Variants in CHD2 observed in about 807,000 individuals in gnomAD.
CHD2 encodes ATP-dependent chromatin remodeler CHD2.
CHD2 carries 28 observed loss-of-function variants against 243.9 expected under a neutral mutation model. The ratio of observed to expected loss-of-function variants is 0.11; its 90% CI spans 0.09 to 0.16. The LOEUF is 0.16. CHD2 is among the 10% of genes least tolerant of loss of function. The pLI, the probability that CHD2 is intolerant of heterozygous loss-of-function variation, is 1.00. For synonymous variants in CHD2, 775 were observed against 779.0 expected (o/e 0.99, Z 0.09); for missense variants, 1,386 against 2,209.8 (o/e 0.63, Z 7.47).
chr15:92,989,685 T>C (rs988237940), intron 26 of CHD2, among the ~76,000 whole-genome samples: 1 of 152,212 alleles, frequency 6.6e-6, no homozygotes, highest in African/African-American at 2.4e-5. Context: ...TGGAAGGCAA[T>C]TGACAACTCT....
intron 22 of CHD2, 133 bp from the exon 23 acceptor site, chr15:92,980,682 G>A (rs963645452): frequency 1.5e-4 from 93 of 637,806 alleles, no homozygotes; most frequent in Admixed American, 4.4e-4. Flanking sequence ...CGATGTTTGA[G>A]AAATCATTTT....
At chr15:92,941,607 C>G (rs1327342641) in intron 7 of CHD2, among the ~76,000 whole-genome samples, 1 of 151,852 alleles carries the variant, frequency 6.6e-6, no homozygotes, top group Non-Finnish European at 1.5e-5. Context: ...TTTTTATTTT[C>G]AAATTGAGTT....
At chr15:93,024,046 G>C (rs2054564521) in intron 38 of CHD2, among the ~76,000 whole-genome samples, 1 of 152,014 alleles carries the variant, frequency 6.6e-6, no homozygotes, top group South Asian at 2.1e-4. Context: ...AATAATTTCT[G>C]TGGCTCTTTT....
chr15:92,988,527 A>G (rs1289868904), intron 26 of CHD2, among the ~76,000 whole-genome samples: 3 of 152,120 alleles, frequency 2.0e-5, no homozygotes, highest in Admixed American at 2.0e-4. Flanking sequence ...ATGTCCTTTC[A>G]TGTCTGCCCA....
intron 2 of CHD2, chr15:92,902,198 T>C (rs781564863): frequency 5.0e-6 from 2 of 398,012 alleles, no homozygotes; most frequent in East Asian, 7.2e-5. Flanking sequence ...CTTTATCTTC[T>C]GAAGCTTAAA....
At chr15:92,929,556 G>T (rs2053127032) in intron 5 of CHD2, among the ~76,000 whole-genome samples, 2 of 152,206 alleles carry the variant, frequency 1.3e-5, no homozygotes, top group Non-Finnish European at 2.9e-5. Flanking sequence ...TCATAAGCCA[G>T]AAAAATTTAA....
At position 93,004,727 on chromosome 15, in the gene CHD2, T is replaced by G; in HGVS notation, c.4389T>G (p.Asp1463Glu). 1 of 1,613,272 alleles carries G rather than the reference T, an allele frequency of 6.2e-7. No individual in the cohort carries two copies. Among genetic ancestry groups the G allele is most frequent in the Non-Finnish European group, 8.5e-7 (1 of 1,179,512 alleles). ...PVPIGEDEDDDLDQETFSICK... is the reference protein window; with the variant it reads ...PVPIGEDEDDELDQETFSICK... The stretch of plus-strand genomic sequence containing the variant: ...CCATTGGAGAGGATGAGGATGATGA[T>G]CTGGACCAGGAGACATTCAGCATAG... The change falls in exon 34 of 39, where the codon GAT (aspartate) becomes GAG (glutamate). Residue 1463 changes from aspartate (D) to glutamate (E), a missense_variant. Coordinates refer to ENST00000394196, the MANE Select transcript of CHD2 (RefSeq NM_001271.4).
chr15:93,006,570 T>C (rs2054324939), intron 34 of CHD2, among the ~76,000 whole-genome samples: 1 of 152,256 alleles, frequency 6.6e-6, no homozygotes, highest in African/African-American at 2.4e-5. Context: ...ATGTGCTTTA[T>C]ATATATTTTT....
At position 92,985,482 on chromosome 15, in the gene CHD2, C is replaced by G; in HGVS notation, c.3238-16C>G. On this transcript the variant is annotated splice_polypyrimidine_tract_variant and intron_variant, in intron 25 of 38. Transcript: ENST00000394196. Reference sequence around the variant, plus strand: ...TCGCACTTGTTACAGTGTGACTTTGCCTCGATCTTTCTCAGGCTCAGACAA... The same window carrying G: ...TCGCACTTGTTACAGTGTGACTTTGGCTCGATCTTTCTCAGGCTCAGACAA... The G allele has an allele frequency of 6.2e-7, 1 of 1,600,100 alleles. No individual in the cohort carries two copies. Among genetic ancestry groups the G allele is most frequent in the Non-Finnish European group, 8.5e-7 (1 of 1,170,962 alleles).
At chr15:92,911,496 C>T (rs992450588) in intron 2 of CHD2, among the ~76,000 whole-genome samples, 4 of 152,008 alleles carry the variant, frequency 2.6e-5, no homozygotes, top group African/African-American at 4.8e-5. Context: ...CCAGCACTTT[C>T]GGAGGCTGAG....
Position 92,968,953 on chromosome 15 carries a change from A to G in CHD2, c.2189+1440A>G, listed in dbSNP as rs573505660. Among the ~76,000 whole-genome samples the G allele has an allele frequency of 6.0e-4, 91 of 152,356 alleles. 2 individuals are homozygous for G. Among genetic ancestry groups the G allele is most frequent in the African/African-American group, 2.1e-3 (88 of 41,584 alleles). On this transcript the variant is annotated intron_variant, in intron 17 of 38. Coordinates refer to ENST00000394196, the MANE Select transcript of CHD2 (RefSeq NM_001271.4). ...TGGAATGATTAAGTGTTCCACATCC[A>G]TCTTGTACATTTCCTGCCCCAGAAC... is the stretch of plus-strand genomic sequence containing the variant.
chr15:92,940,876 A>T (rs11632302), intron 7 of CHD2, among the ~76,000 whole-genome samples: 5 of 96,778 alleles, frequency 5.2e-5, no homozygotes, highest in Non-Finnish European at 2.2e-5. Flanking sequence ...AAAAATATAC[A>T]TATAAATATA....
intron 18 of CHD2, 131 bp downstream of exon 18, chr15:92,972,058 G>A (rs1243106835): frequency 9.1e-7 from 1 of 1,099,692 alleles, no homozygotes; most frequent in Non-Finnish European, 1.3e-6. Flanking sequence ...AAATGGGAGA[G>A]AAAAGGTAAC....
chr15:92,935,978 C>T (rs1038984318), intron 5 of CHD2, among the ~76,000 whole-genome samples: 2 of 151,688 alleles, frequency 1.3e-5, no homozygotes, highest in Admixed American at 1.3e-4. Context: ...ATTTGCCTGA[C>T]TTTGGCTAAA....
chr15:93,009,018 C>T (rs1181442737), intron 34 of CHD2, 127 bp from the exon 35 acceptor site: 1 of 1,060,418 alleles, frequency 9.4e-7, no homozygotes, highest in Non-Finnish European at 1.4e-6. Context: ...ACTAGCTTTA[C>T]CCACTCTTCC....
In CHD2 at chr15:93,024,923, T is replaced by G; in HGVS notation, c.*218T>G. On this transcript the variant is annotated 3_prime_UTR_variant, in exon 39 of 39. Coordinates refer to ENST00000394196, the MANE Select transcript of CHD2 (RefSeq NM_001271.4). ...TCCTGCACTTTGGCACCCCATCCCA[T>G]TCCAGCCTAGTTCTGGCCTCCCACT... 2.0e-6 allele frequency: 1 copy of G among 506,120 alleles called. No homozygotes were observed. Among genetic ancestry groups the G allele is most frequent in the Non-Finnish European group, 3.5e-6 (1 of 288,840 alleles). 31.4% of individuals were successfully genotyped at this position (506,120 alleles called of 1,614,324 possible). A position where few individuals can be genotyped will look rare whatever the true frequency, so the allele number is the denominator to read the frequency against.
intron 37 of CHD2, 49 bp downstream of exon 37, chr15:93,014,958 T>A: frequency 1.4e-6 from 2 of 1,479,026 alleles, no homozygotes; most frequent in Non-Finnish European, 1.9e-6. Context: ...AGATAAAAAA[T>A]TCACACAGCC....
chr15:92,980,507 A>G (rs1000246457), intron 22 of CHD2, among the ~76,000 whole-genome samples: 7 of 152,212 alleles, frequency 4.6e-5, no homozygotes, highest in African/African-American at 1.7e-4. Context: ...TTGGTGAATT[A>G]TAACTTTCTG....
intron 2 of CHD2, among the ~76,000 whole-genome samples, chr15:92,923,561 GTTTTTTT>G (rs1199703270): frequency 1.2e-4 from 15 of 121,530 alleles, no homozygotes; most frequent in African/African-American, 4.6e-4. Flanking sequence ...TGTCCAGCTT[GTTTTTTT>G]TTTTTTTTTT....
Sources: gnomAD v4.1 joint callset for allele counts (sites outside exome capture counted in the v4.1 genomes callset) on GRCh38, gnomAD v4.1.1 for gene constraint, MANE v1.5 for transcripts, NCBI Gene and HGNC (gene_info 2026-07-23, HGNC 2026-07-21) for gene names.